The following FAM117B variants were observed in gnomAD, a reference collection of about 807,000 sequenced individuals.
The protein encoded by FAM117B is protein FAM117B.
A neutral mutation model predicts 52.8 loss-of-function variants in FAM117B; 22 were observed. The observed-to-expected ratio is 0.42, with a 90% CI of 0.30 to 0.59. FAM117B has a LOEUF of 0.59. Ranked by LOEUF, FAM117B falls within the 20% of genes least tolerant of loss-of-function variation. The pLI is 0.22. For missense variants in FAM117B, 678 were observed against 802.6 expected (o/e 0.84, Z 1.88); for synonymous variants, 309 against 324.1 (o/e 0.95, Z 0.50).
intron 2 of FAM117B, among the ~76,000 whole-genome samples, chr2:202,707,844 C>G (rs1690896921): frequency 6.6e-6 from 1 of 151,704 alleles, no homozygotes; most frequent in Non-Finnish European, 1.5e-5. Context: ...TCTTGGCTCA[C>G]TGCAGCCTCC....
At chr2:202,731,064 A>T (rs1387539793) in intron 4 of FAM117B, among the ~76,000 whole-genome samples, 1 of 152,120 alleles carries the variant, frequency 6.6e-6, no homozygotes, top group Admixed American at 6.6e-5. Context: ...CATATATCTG[A>T]TAAGGCATTT....
chr2:202,763,547 A>C (rs192489559), intron 7 of FAM117B, among the ~76,000 whole-genome samples: 1 of 152,330 alleles, frequency 6.6e-6, no homozygotes, highest in Admixed American at 6.5e-5. Flanking sequence ...GGCATTATTT[A>C]ATTATGGAAA....
intron 2 of FAM117B, among the ~76,000 whole-genome samples, chr2:202,705,198 C>T (rs992264942): frequency 2.6e-5 from 4 of 151,644 alleles, no homozygotes; most frequent in East Asian, 2.0e-4. Context: ...CCCAGCTACT[C>T]GGGAAGCTGA....
At chr2:202,708,274 T>C (rs1371952546) in intron 2 of FAM117B, among the ~76,000 whole-genome samples, 2 of 152,230 alleles carry the variant, frequency 1.3e-5, no homozygotes, top group Non-Finnish European at 2.9e-5. Context: ...TCTGATTCTA[T>C]GATTTGACTA....
chr2:202,642,252 C>T (rs1337150809), intron 1 of FAM117B, among the ~76,000 whole-genome samples: 3 of 150,306 alleles, frequency 2.0e-5, no homozygotes, highest in Non-Finnish European at 4.4e-5. Flanking sequence ...CACGCCCAGC[C>T]AGATATTTTC....
At chr2:202,668,173 ATATTATAT>A (rs1342670638) in intron 1 of FAM117B, among the ~76,000 whole-genome samples, 6 of 124,898 alleles carry the variant, frequency 4.8e-5, no homozygotes, top group African/African-American at 2.8e-4. Context: ...TAATACATAC[ATATTATAT>A]TATATAATAT....
At chr2:202,723,514 T>C (rs1691184308) in intron 2 of FAM117B, among the ~76,000 whole-genome samples, 1 of 152,226 alleles carries the variant, frequency 6.6e-6, no homozygotes, top group Non-Finnish European at 1.5e-5. Flanking sequence ...AGGCAGTTGC[T>C]ATACACACGG....
At chr2:202,728,020 C>T (rs1195814537) in intron 4 of FAM117B, among the ~76,000 whole-genome samples, 2 of 151,202 alleles carry the variant, frequency 1.3e-5, no homozygotes, top group African/African-American at 4.9e-5. Flanking sequence ...GCTCTGTCAC[C>T]CAGGCTGGAG....
chr2:202,741,632 G>A (rs1691542224), intron 4 of FAM117B, among the ~76,000 whole-genome samples: 1 of 151,754 alleles, frequency 6.6e-6, no homozygotes, highest in Admixed American at 6.6e-5. Context: ...CGCCTCCTGG[G>A]TTGATGCCAT....
chr2:202,768,863 A>G lies in FAM117B; in HGVS notation c.*3099A>G, dbSNP rs569196959. On this transcript the variant is annotated 3_prime_UTR_variant, in exon 8 of 8. Transcript: ENST00000392238. ...TTTCAGAGAAAGGAGCTATTTGGTT[A>G]TTCACTTTGTCAATCTTAGGTTTTT... The G allele has an allele frequency of 1.3e-5, 2 of 152,240 alleles. No homozygotes were observed. The highest frequency in any genetic ancestry group is 2.1e-4 in the South Asian group (1 of 4,828). The allele number at this position is 152,240 out of a possible 1,614,324, so 9.4% of individuals were successfully genotyped here.
At chr2:202,698,604 G>A (rs1373809176) in intron 2 of FAM117B, among the ~76,000 whole-genome samples, 2 of 151,998 alleles carry the variant, frequency 1.3e-5, no homozygotes, top group Non-Finnish European at 2.9e-5. Context: ...TGTATTTTTA[G>A]TAGAGATGGA....
intron 4 of FAM117B, among the ~76,000 whole-genome samples, chr2:202,738,929 C>T (rs140824914): frequency 6.6e-6 from 1 of 152,206 alleles, no homozygotes; most frequent in African/African-American, 2.4e-5. Flanking sequence ...TGGCTCACGC[C>T]TGTAATCCCA....
intron 2 of FAM117B, among the ~76,000 whole-genome samples, chr2:202,698,959 A>G (rs1690754915): frequency 6.6e-6 from 1 of 152,188 alleles, no homozygotes; most frequent in East Asian, 1.9e-4. Flanking sequence ...TTGTCATATT[A>G]GTAAGAGTAT....
intron 1 of FAM117B, among the ~76,000 whole-genome samples, chr2:202,694,190 T>TC (rs1277607271): frequency 1.5e-5 from 2 of 130,164 alleles, no homozygotes; most frequent in Non-Finnish European, 1.5e-5. Context: ...ACCCACTTCT[T>TC]TTTTTTTTTT....
In FAM117B at chr2:202,635,673, C is replaced by CCACCTGTGGACCT; in HGVS notation, c.486_487insCACCTGTGGACCT (p.Gly163HisfsTer44). The CCACCTGTGGACCT allele has an allele frequency of 7.2e-7, 1 of 1,394,396 alleles. No individual in the cohort carries two copies. The highest frequency in any genetic ancestry group is 9.3e-7 in the Non-Finnish European group (1 of 1,075,102). The allele number at this position is 1,394,396 out of a possible 1,614,324, so 86.4% of individuals were successfully genotyped here. A position where few individuals can be genotyped will look rare whatever the true frequency, so the allele number is the denominator to read the frequency against. On this transcript the variant is annotated frameshift_variant, in exon 1 of 8. Transcript: ENST00000392238. LOFTEE classifies it high-confidence loss of function. ...GCTCGTCGCCCACCCACCTGTGGAC[C>CCACCTGTGGACCT]GGCGAGGTGAGCGCGGCCCCACCCC...
chr2:202,665,693 C>A (rs1690194254), intron 1 of FAM117B, among the ~76,000 whole-genome samples: 1 of 152,108 alleles, frequency 6.6e-6, no homozygotes, highest in Non-Finnish European at 1.5e-5. Flanking sequence ...TTCTGCCTCC[C>A]AGATTCAAGC....
chr2:202,683,124 TC>T (rs1368387363), intron 1 of FAM117B, among the ~76,000 whole-genome samples: 46 of 152,240 alleles, frequency 3.0e-4, no homozygotes, highest in Non-Finnish European at 5.9e-5. Context: ...GGTCAGGAGT[TC>T]GAGACCAGCC....
intron 1 of FAM117B, among the ~76,000 whole-genome samples, chr2:202,692,441 G>A (rs1048534409): frequency 6.6e-6 from 1 of 152,056 alleles, no homozygotes; most frequent in Non-Finnish European, 1.5e-5. Flanking sequence ...AGGTCAAGAG[G>A]TAAAATCGAA....
At chr2:202,647,641 A>T (rs1689891236) in intron 1 of FAM117B, among the ~76,000 whole-genome samples, 1 of 152,234 alleles carries the variant, frequency 6.6e-6, no homozygotes. Flanking sequence ...TTCCATAGAA[A>T]TCTAGAACTT....
Sources: gnomAD v4.1 joint callset for allele counts (sites outside exome capture counted in the v4.1 genomes callset) on GRCh38, gnomAD v4.1.1 for gene constraint, MANE v1.5 for transcripts, NCBI Gene and HGNC (gene_info 2026-07-23, HGNC 2026-07-21) for gene names.